TRIM2: variants seen among roughly 807,000 people sequenced by gnomAD.
The protein encoded by TRIM2 is tripartite motif containing 2.
Under a neutral mutation model 75.2 loss-of-function variants are expected in TRIM2, and 20 were observed. The ratio of observed to expected loss-of-function variants is 0.27; its 90% CI spans 0.19 to 0.39. The LOEUF (loss-of-function observed/expected upper bound fraction) is 0.39. TRIM2 is among the 10% of genes least tolerant of loss of function. The pLI is 1.00. For missense variants in TRIM2, 660 were observed against 990.8 expected (o/e 0.67, Z 4.48); for synonymous variants, 373 against 388.3 (o/e 0.96, Z 0.46).
At chr4:153,327,911 C>A (rs373308610) in intron 10 of TRIM2, among the ~76,000 whole-genome samples, 4 of 152,284 alleles carry the variant, frequency 2.6e-5, no homozygotes. Context: ...TATAAACTCT[C>A]GAACTAAAAT....
intron 1 of TRIM2, among the ~76,000 whole-genome samples, chr4:153,197,248 G>A (rs921055686): frequency 6.6e-6 from 1 of 152,184 alleles, no homozygotes; most frequent in Non-Finnish European, 1.5e-5. Flanking sequence ...TCCTTAATGG[G>A]TTGTGAGTTA....
intron 1 of TRIM2, among the ~76,000 whole-genome samples, chr4:153,187,788 C>A (rs913632786): frequency 6.6e-6 from 1 of 152,062 alleles, no homozygotes; most frequent in African/African-American, 2.4e-5. Context: ...AAATGGCGGC[C>A]GCATCATAGG....
At chr4:153,319,743 T>A (rs959973396) in intron 8 of TRIM2, among the ~76,000 whole-genome samples, 2 of 151,562 alleles carry the variant, frequency 1.3e-5, no homozygotes, top group East Asian at 3.9e-4. Context: ...AAAAAAAATA[T>A]ATATATATAT....
At chr4:153,300,456 T>C (rs1181360802) in intron 6 of TRIM2, among the ~76,000 whole-genome samples, 1 of 152,230 alleles carries the variant, frequency 6.6e-6, no homozygotes, top group Non-Finnish European at 1.5e-5. Context: ...ATTTTTTCTT[T>C]TGTGTTTTTG....
At chr4:153,188,926 G>T (rs966764870) in intron 1 of TRIM2, among the ~76,000 whole-genome samples, 5 of 151,686 alleles carry the variant, frequency 3.3e-5, no homozygotes, top group African/African-American at 7.3e-5. Context: ...TCATAACCTG[G>T]CCCCTGCTTA....
At chr4:153,287,376 G>C (rs1312703885) in intron 3 of TRIM2, among the ~76,000 whole-genome samples, 1 of 152,194 alleles carries the variant, frequency 6.6e-6, no homozygotes, top group Non-Finnish European at 1.5e-5. Context: ...CAATCTGCCA[G>C]TATCAGCCCT....
chr4:153,229,817 C>T (rs1305281152), intron 1 of TRIM2, among the ~76,000 whole-genome samples: 1 of 152,214 alleles, frequency 6.6e-6, no homozygotes, highest in Non-Finnish European at 1.5e-5. Flanking sequence ...ATACTCCATG[C>T]TAAAACTAAA....
chr4:153,171,893 T>C (rs1730908464), intron 1 of TRIM2, among the ~76,000 whole-genome samples: 1 of 150,760 alleles, frequency 6.6e-6, no homozygotes, highest in Admixed American at 6.6e-5. Flanking sequence ...ATATTTTGAT[T>C]CACATGTCAC....
intron 1 of TRIM2, among the ~76,000 whole-genome samples, chr4:153,183,596 A>G (rs1682354300): frequency 6.6e-6 from 1 of 152,178 alleles, no homozygotes; most frequent in African/African-American, 2.4e-5. Flanking sequence ...AAGCAAGCAG[A>G]TAATATCCCC....
In TRIM2 at chr4:153,337,941, C is replaced by T. The variant is rs1772641381; in HGVS notation, c.*2975C>T. 3.0e-6 allele frequency: 3 copies of T among 985,722 alleles called. No homozygotes were observed. The highest frequency in any genetic ancestry group is 1.2e-4 in the Admixed American group (2 of 16,268). The allele number at this position is 985,722 out of a possible 1,614,324, so 61.1% of individuals were successfully genotyped here. A position where few individuals can be genotyped will look rare whatever the true frequency, so the allele number is the denominator to read the frequency against. On this transcript the variant is annotated 3_prime_UTR_variant, in exon 12 of 12. Transcript: ENST00000338700. ...CTGGACATGGGGAGGCAGAGAGTCA[C>T]TTGACCATCCAGAAATACATGACTA...
At chr4:153,213,246 T>A (rs187206786) in intron 1 of TRIM2, among the ~76,000 whole-genome samples, 87 of 152,356 alleles carry the variant, frequency 5.7e-4, no homozygotes, top group Admixed American at 3.3e-4. Context: ...GCATTCAGTT[T>A]CCAGAGCCTG....
chr4:153,180,041 G>T (rs1411587199), intron 1 of TRIM2, among the ~76,000 whole-genome samples: 1 of 152,220 alleles, frequency 6.6e-6, no homozygotes, highest in African/African-American at 2.4e-5. Flanking sequence ...GTGAGCTGGT[G>T]AGAAGATGAG....
intron 1 of TRIM2, among the ~76,000 whole-genome samples, chr4:153,159,917 C>T (rs935947087): frequency 2.0e-5 from 3 of 152,156 alleles, no homozygotes; most frequent in African/African-American, 7.2e-5. Flanking sequence ...TTATCAAATA[C>T]GTAGGATCGT....
At chr4:153,177,726 C>CTTCCTTCT (rs1465965674) in intron 1 of TRIM2, among the ~76,000 whole-genome samples, 11 of 149,384 alleles carry the variant, frequency 7.4e-5, no homozygotes, top group Non-Finnish European at 1.3e-4. Context: ...TCCTTCCTTC[C>CTTCCTTCT]TTCCTTCCTT....
At chr4:153,200,738 T>A (rs1266587377), upstream of TRIM2, among the ~76,000 whole-genome samples, 2 of 146,760 alleles carry the variant, frequency 1.4e-5, no homozygotes, top group African/African-American at 4.9e-5. Flanking sequence ...TATATATATA[T>A]ATATATATAT....
At chr4:153,202,861 C>T (rs890214890), upstream of TRIM2, among the ~76,000 whole-genome samples, 2 of 151,880 alleles carry the variant, frequency 1.3e-5, no homozygotes, top group Non-Finnish European at 2.9e-5. Context: ...AATCCCAGCA[C>T]TTTGGGAGGC....
chr4:153,172,315 G>C (rs1441428193), intron 1 of TRIM2, among the ~76,000 whole-genome samples: 2 of 152,114 alleles, frequency 1.3e-5, no homozygotes, highest in South Asian at 2.1e-4. Context: ...AGCCTCCCGA[G>C]TAGCTGGGAC....
intron 1 of TRIM2, among the ~76,000 whole-genome samples, chr4:153,243,288 C>T (rs1326750522): frequency 6.6e-6 from 1 of 152,200 alleles, no homozygotes; most frequent in Non-Finnish European, 1.5e-5. Context: ...AGTTTATGCC[C>T]TTGATTCAGG....
intron 1 of TRIM2, among the ~76,000 whole-genome samples, chr4:153,241,074 C>T (rs2149842111): frequency 6.6e-6 from 1 of 152,316 alleles, no homozygotes; most frequent in East Asian, 1.9e-4. Context: ...GAGACTCCCT[C>T]TCAGAAAAAC....
Sources: gnomAD v4.1 joint callset for allele counts (sites outside exome capture counted in the v4.1 genomes callset) on GRCh38, gnomAD v4.1.1 for gene constraint, MANE v1.5 for transcripts, NCBI Gene and HGNC (gene_info 2026-07-23, HGNC 2026-07-21) for gene names.